The following GPC6 variants were observed in gnomAD, a reference collection of about 807,000 sequenced individuals.
GPC6 encodes glypican 6.
Under a neutral mutation model 55.2 loss-of-function variants are expected in GPC6, and 14 were observed. That is an observed-to-expected ratio of 0.25 (90% CI 0.17 to 0.40). The LOEUF (loss-of-function observed/expected upper bound fraction) is 0.40. Among genes scored for constraint, GPC6 ranks in the 10% least tolerant of loss-of-function variants. The probability of loss-of-function intolerance (pLI) is 1.00; values close to 1 mark genes in which losing one functional copy is unlikely to be tolerated. For synonymous variants in GPC6, 278 were observed against 259.6 expected, an observed-to-expected ratio of 1.07 and a Z score of -0.68; for missense variants, 641 against 708.5, an observed-to-expected ratio of 0.90 and a Z score of 1.08.
chr13:94,182,707 C>T (rs1889038703), intron 4 of GPC6, among the ~76,000 whole-genome samples: 1 of 152,258 alleles, frequency 6.6e-6, no homozygotes, highest in South Asian at 2.1e-4. Flanking sequence ...TGTCCACACA[C>T]AATTTTTATT....
chr13:93,430,576 A>G (rs1453191625), intron 1 of GPC6, among the ~76,000 whole-genome samples: 3 of 152,068 alleles, frequency 2.0e-5, no homozygotes, highest in Non-Finnish European at 2.9e-5. Flanking sequence ...TGTAGAATAG[A>G]CCCACTGCAT....
chr13:93,288,908 C>A (rs1878225602), intron 1 of GPC6, among the ~76,000 whole-genome samples: 1 of 152,208 alleles, frequency 6.6e-6, no homozygotes, highest in African/African-American at 2.4e-5. Context: ...TCATACAGAC[C>A]TGTATAGGGC....
chr13:93,953,274 AT>A (rs958202664), intron 3 of GPC6, among the ~76,000 whole-genome samples: 23 of 152,080 alleles, frequency 1.5e-4, no homozygotes, highest in African/African-American at 5.3e-4. Context: ...TTTATGGAGC[AT>A]TTAAACTCCT....
intron 1 of GPC6, among the ~76,000 whole-genome samples, chr13:93,323,401 GTC>G (rs897333151): frequency 5.9e-5 from 9 of 152,136 alleles, no homozygotes; most frequent in Admixed American, 2.0e-4. Flanking sequence ...TCATAGAATG[GTC>G]TCTCCTACCA....
chr13:94,132,665 T>C (rs547548814), intron 4 of GPC6, among the ~76,000 whole-genome samples: 1 of 152,314 alleles, frequency 6.6e-6, no homozygotes, highest in East Asian at 1.9e-4. Flanking sequence ...CATTAAAGAC[T>C]AGAGCATTAT....
chr13:93,463,747 T>G (rs1008521126), intron 1 of GPC6, among the ~76,000 whole-genome samples: 1 of 98,674 alleles, frequency 1.0e-5, no homozygotes, highest in Non-Finnish European at 2.1e-5. Context: ...TGGCTCCACT[T>G]TTTTTTTTTT....
In GPC6 at chr13:93,238,248, C is replaced by T. The variant is rs115732209; in HGVS notation, c.160+10632C>T. 5.9e-3 allele frequency among the ~76,000 whole-genome samples: 897 copies of T among 152,026 alleles called. 11 individuals are homozygous for T. Among genetic ancestry groups the T allele is most frequent in the African/African-American group, 0.021 (851 of 41,492 alleles). ...TGTGATCTACAGTTTCTTTCCTCAG[C>T]GTTTTGTAGCTCTCCTTGTAGAGAT... is the stretch of plus-strand genomic sequence containing the variant. On this transcript the variant is annotated intron_variant, in intron 1 of 8. Coordinates refer to ENST00000377047, the MANE Select transcript of GPC6 (RefSeq NM_005708.5).
intron 2 of GPC6, among the ~76,000 whole-genome samples, chr13:93,807,729 G>C (rs553646457): frequency 6.6e-6 from 1 of 152,180 alleles, no homozygotes; most frequent in Non-Finnish European, 1.5e-5. Flanking sequence ...GTGACGGCTT[G>C]ACACTGGTGT....
chr13:93,344,214 T>C (rs2139155021), intron 1 of GPC6, among the ~76,000 whole-genome samples: 1 of 152,286 alleles, frequency 6.6e-6, no homozygotes, highest in East Asian at 1.9e-4. Flanking sequence ...TCTTCTGTGG[T>C]CAAACTGGCC....
chr13:93,469,183 C>T (rs1879021436), intron 1 of GPC6, among the ~76,000 whole-genome samples: 1 of 151,948 alleles, frequency 6.6e-6, no homozygotes, highest in Admixed American at 6.6e-5. Context: ...TTTGAAATCC[C>T]ACTTCAAAAT....
chr13:94,207,159 G>A (rs986147248), intron 4 of GPC6, among the ~76,000 whole-genome samples: 1 of 151,962 alleles, frequency 6.6e-6, no homozygotes, highest in Non-Finnish European at 1.5e-5. Context: ...TGTCTTTCCT[G>A]CCTCCCTGAG....
Position 93,846,164 on chromosome 13 carries a change from A to G in GPC6, c.711+15619A>G, listed in dbSNP as rs568895583. Among the ~76,000 whole-genome samples the G allele has an allele frequency of 1.7e-3, 256 of 152,276 alleles. 2 individuals are homozygous for G. The highest frequency in any genetic ancestry group is 5.6e-3 in the African/African-American group (233 of 41,574). Reference sequence around the variant, plus strand: ...ATGTACCAAAATGTATAGCAAGCACAGGCTTAGAATTGTTCCTATTTTATG... The same window carrying G: ...ATGTACCAAAATGTATAGCAAGCACGGGCTTAGAATTGTTCCTATTTTATG... On this transcript the variant is annotated intron_variant, in intron 3 of 8. Transcript: ENST00000377047.
At chr13:93,424,482 T>A (rs1231862943) in intron 1 of GPC6, among the ~76,000 whole-genome samples, 1 of 152,108 alleles carries the variant, frequency 6.6e-6, no homozygotes, top group Non-Finnish European at 1.5e-5. Flanking sequence ...GATGCGGGGA[T>A]CTGAATGTCC....
At chr13:93,426,958 T>A (rs1262899430) in intron 1 of GPC6, among the ~76,000 whole-genome samples, 1 of 150,094 alleles carries the variant, frequency 6.7e-6, no homozygotes, top group Non-Finnish European at 1.5e-5. Context: ...TATCTCATTG[T>A]GGTTTTGATT....
chr13:93,351,121 A>T (rs1484043990), intron 1 of GPC6, among the ~76,000 whole-genome samples: 2 of 152,168 alleles, frequency 1.3e-5, no homozygotes, highest in Non-Finnish European at 2.9e-5. Flanking sequence ...TTTCTATAAT[A>T]AAACAGTGGT....
chr13:93,549,776 A>G (rs1349466718), intron 2 of GPC6, among the ~76,000 whole-genome samples: 3 of 152,150 alleles, frequency 2.0e-5, no homozygotes, highest in African/African-American at 4.8e-5. Flanking sequence ...CCTACAAAAA[A>G]AAAAATTACC....
chr13:93,850,878 T>C (rs1264791516), intron 3 of GPC6, among the ~76,000 whole-genome samples: 1 of 151,948 alleles, frequency 6.6e-6, no homozygotes, highest in South Asian at 2.1e-4. Context: ...ATTGAGGTCT[T>C]AGACATATGA....
intron 3 of GPC6, among the ~76,000 whole-genome samples, chr13:93,879,876 C>A (rs1179109293): frequency 2.6e-5 from 4 of 151,542 alleles, no homozygotes; most frequent in East Asian, 3.9e-4. Flanking sequence ...AAGAAAAAAA[C>A]AAACAACCCC....
intron 2 of GPC6, among the ~76,000 whole-genome samples, chr13:93,768,053 T>A (rs1417426413): frequency 2.0e-5 from 3 of 152,170 alleles, no homozygotes; most frequent in Non-Finnish European, 4.4e-5. Context: ...ACCTCATGTT[T>A]TTTCACATAC....
Sources: allele counts gnomAD v4.1 joint callset (sites outside exome capture counted in the v4.1 genomes callset), GRCh38; gene constraint gnomAD v4.1.1; transcripts MANE v1.5; gene names NCBI Gene and HGNC (gene_info 2026-07-23, HGNC 2026-07-21).